The following BDP1 variants were observed in gnomAD, a reference collection of about 807,000 sequenced individuals.
The protein encoded by BDP1 is BDP1 general transcription factor IIIB subunit.
A neutral mutation model predicts 266.6 loss-of-function variants in BDP1; 169 were observed. That is an observed-to-expected ratio of 0.63 (90% confidence interval 0.56 to 0.72). The LOEUF (loss-of-function observed/expected upper bound fraction) is 0.72, where lower values mean the gene tolerates loss of function less well. Among genes scored for constraint, BDP1 ranks in the 30% least tolerant of loss-of-function variants. The pLI, the probability that BDP1 is intolerant of heterozygous loss-of-function variation, is 0.00. For synonymous variants in BDP1, 1,090 were observed against 1,022.4 expected, an observed-to-expected ratio of 1.07 and a Z score of -1.26; for missense variants, 3,015 against 3,053.8, an observed-to-expected ratio of 0.99 and a Z score of 0.30.
chr5:71,488,563 G>A (rs1169527567), intron 9 of BDP1, among the ~76,000 whole-genome samples: 2 of 151,794 alleles, frequency 1.3e-5, no homozygotes, highest in African/African-American at 4.8e-5. Flanking sequence ...CAAGTAGCTG[G>A]GATTACAGGC....
chr5:71,513,169 A>G lies in BDP1; in HGVS notation c.4248-16A>G, dbSNP rs1765027544. 1 of 1,599,314 alleles carries G rather than the reference A, an allele frequency of 6.3e-7. No homozygotes were observed. The highest frequency in any genetic ancestry group is 1.7e-5 in the Admixed American group (1 of 58,542). Reference sequence around the variant, plus strand: ...CTTCAGTTCATTCTAAAGCTTGATAATCCTTGTTCCAAAAGCAAATCTCTT... The same window carrying G: ...CTTCAGTTCATTCTAAAGCTTGATAGTCCTTGTTCCAAAAGCAAATCTCTT... On this transcript the variant is annotated splice_polypyrimidine_tract_variant and intron_variant, in intron 18 of 38. Transcript: ENST00000358731.
chr5:71,479,921 T>C lies in BDP1; in HGVS notation c.1015-3921T>C, dbSNP rs140926704. ...CATGTGGGTTTTAAAAAATAATTAA[T>C]TTTTTGGTCTCCGTCACGGGTTTTT... On this transcript the variant is annotated intron_variant, in intron 7 of 38. Transcript: ENST00000358731. Among the ~76,000 whole-genome samples the C allele has an allele frequency of 4.9e-5, 6 of 122,138 alleles. No homozygotes were observed. In the East Asian group the frequency reaches 1.4e-3, roughly 28 times the overall value. 80.1% of individuals were successfully genotyped at this position (122,138 alleles called of 152,430 possible).
intron 16 of BDP1, among the ~76,000 whole-genome samples, chr5:71,508,211 T>C (rs1764688174): frequency 6.6e-6 from 1 of 152,214 alleles, no homozygotes; most frequent in Non-Finnish European, 1.5e-5. Flanking sequence ...GTGATCCACC[T>C]GTCTCAGCCT....
chr5:71,545,283 G>A, intron 32 of BDP1, 64 bp downstream of exon 32: 4 of 1,379,990 alleles, frequency 2.9e-6, no homozygotes, highest in African/African-American at 3.0e-5. Context: ...AAAAAAAAAG[G>A]TATAATTTAC....
chr5:71,484,178 G>A (rs1244864395), intron 8 of BDP1, among the ~76,000 whole-genome samples: 1 of 152,126 alleles, frequency 6.6e-6, no homozygotes, highest in Non-Finnish European at 1.5e-5. Flanking sequence ...TTATTCTGAA[G>A]GAACTGTATG....
chr5:71,486,258 A>G (rs1437569499), intron 8 of BDP1, among the ~76,000 whole-genome samples: 1 of 152,186 alleles, frequency 6.6e-6, no homozygotes, highest in African/African-American at 2.4e-5. Context: ...TTTGTAATAA[A>G]CTAGTTTATT....
At chr5:71,562,570 T>C (rs1743753993) in intron 38 of BDP1, 50 bp downstream of exon 38, 1 of 1,575,576 alleles carries the variant, frequency 6.3e-7, no homozygotes. Flanking sequence ...GGGTTGGATA[T>C]GAGATTCAAC....
At chr5:71,558,165 T>C (rs1743358498) in intron 36 of BDP1, among the ~76,000 whole-genome samples, 1 of 152,214 alleles carries the variant, frequency 6.6e-6, no homozygotes, top group African/African-American at 2.4e-5. Context: ...AAAATGTTGC[T>C]GATGGCATCT....
At chr5:71,474,551 C>CT (rs1762470996) in intron 7 of BDP1, among the ~76,000 whole-genome samples, 1 of 151,866 alleles carries the variant, frequency 6.6e-6, no homozygotes, top group African/African-American at 2.4e-5. Context: ...AGGTGGGTCT[C>CT]TGACTCCTGA....
At chr5:71,487,434 G>A (rs554013382) in intron 9 of BDP1, among the ~76,000 whole-genome samples, 111 of 152,048 alleles carry the variant, frequency 7.3e-4, no homozygotes, top group Non-Finnish European at 1.3e-3. Flanking sequence ...TAGTAGAGAC[G>A]GGGTTTCACC....
At chr5:71,467,148 G>A (rs1013223943) in intron 5 of BDP1, among the ~76,000 whole-genome samples, 3 of 152,172 alleles carry the variant, frequency 2.0e-5, no homozygotes, top group Non-Finnish European at 2.9e-5. Flanking sequence ...TTTTGAAAAT[G>A]AGTTGACATT....
chr5:71,488,431 C>CT (rs536505055), intron 9 of BDP1, among the ~76,000 whole-genome samples: 3,893 of 131,278 alleles, frequency 0.03, 71 homozygotes, highest in South Asian at 0.081. Context: ...CCAGCCAGAA[C>CT]TTTTTTTTTT....
At chr5:71,544,313 C>A (rs759213055) in intron 30 of BDP1, 44 bp from the exon 31 acceptor site, 4 of 1,550,894 alleles carry the variant, frequency 2.6e-6, no homozygotes, top group Non-Finnish European at 2.6e-6. Context: ...GGGATTTTAG[C>A]TGTATTATTT....
Position 71,562,408 on chromosome 5 carries a change from G to T in BDP1, c.7631G>T (p.Arg2544Ile), listed in dbSNP as rs1743737538. Residue 2544 changes from arginine (R) to isoleucine (I), a missense_variant, in exon 38 of 39, where the codon AGA (arginine) becomes ATA (isoleucine). Transcript: ENST00000358731. Reference sequence around the variant, plus strand: ...CCTGGATTAAGAAAGAAATTGAAAAGATCTAATCCATTCAATGAAAGCCAG... The same window carrying T: ...CCTGGATTAAGAAAGAAATTGAAAATATCTAATCCATTCAATGAAAGCCAG... ...LIPGLRKKLKRSNPFNESQEK... is the reference protein window; with the variant it reads ...LIPGLRKKLKISNPFNESQEK... 7 of 1,613,908 alleles carry T rather than the reference G, an allele frequency of 4.3e-6. No homozygotes were observed. The African/African-American group carries it at 6.7e-5, about 15-fold the overall frequency.
chr5:71,503,887 A>G (rs967431799), intron 15 of BDP1, among the ~76,000 whole-genome samples: 3 of 150,262 alleles, frequency 2.0e-5, no homozygotes, highest in Non-Finnish European at 3.0e-5. Flanking sequence ...AGGAGGATCA[A>G]TTGAGCCCAG....
At chr5:71,540,350 A>G (rs1580177215) in intron 28 of BDP1, among the ~76,000 whole-genome samples, 1 of 152,122 alleles carries the variant, frequency 6.6e-6, no homozygotes, top group African/African-American at 2.4e-5. Context: ...TATTTGAAGC[A>G]GAGTTTCGCT....
chr5:71,541,321 T>G, intron 28 of BDP1, 133 bp from the exon 29 acceptor site: 1 of 487,970 alleles, frequency 2.0e-6, no homozygotes, highest in Non-Finnish European at 3.5e-6. Flanking sequence ...TCTAAAATCT[T>G]TTTCTATTGC....
chr5:71,526,064 G>A (rs1252703722), intron 25 of BDP1, among the ~76,000 whole-genome samples: 1 of 152,190 alleles, frequency 6.6e-6, no homozygotes, highest in Non-Finnish European at 1.5e-5. Context: ...TGCAATCTCG[G>A]CACTTTGGGG....
chr5:71,521,049 G>A (rs901721891), intron 22 of BDP1, among the ~76,000 whole-genome samples: 10 of 151,644 alleles, frequency 6.6e-5, no homozygotes, highest in Admixed American at 6.6e-5. Context: ...TTAGCCAGCC[G>A]TGGTGGCGCA....
Sources: gnomAD v4.1 joint callset for allele counts (sites outside exome capture counted in the v4.1 genomes callset) on GRCh38, gnomAD v4.1.1 for gene constraint, MANE v1.5 for transcripts, NCBI Gene and HGNC (gene_info 2026-07-23, HGNC 2026-07-21) for gene names.